The following PDGFC variants were observed in gnomAD, a reference collection of about 807,000 sequenced individuals.
PDGFC encodes the protein platelet derived growth factor C.
PDGFC carries 12 observed loss-of-function variants against 35.5 expected under a neutral mutation model. The observed-to-expected ratio is 0.34, with a 90% CI of 0.22 to 0.55. The LOEUF (loss-of-function observed/expected upper bound fraction) is 0.55. Ranked by LOEUF, PDGFC falls within the 20% of genes least tolerant of loss-of-function variation. The pLI is 0.91. For synonymous variants in PDGFC, 159 were observed against 148.8 expected (o/e 1.07, Z -0.50); for missense variants, 322 against 412.4 (o/e 0.78, Z 1.90).
intron 3 of PDGFC, among the ~76,000 whole-genome samples, chr4:156,794,582 G>A (rs1228908262): frequency 5.9e-5 from 9 of 151,828 alleles, no homozygotes. Flanking sequence ...TTACTTTGGT[G>A]AGTAATATTT....
intron 1 of PDGFC, among the ~76,000 whole-genome samples, chr4:156,920,169 G>A (rs1731239805): frequency 2.6e-5 from 4 of 152,258 alleles, no homozygotes; most frequent in Middle Eastern, 3.4e-3. Context: ...GTACAACTGT[G>A]AGCCAAATAA....
At chr4:156,859,811 A>C (rs1189413908) in intron 1 of PDGFC, among the ~76,000 whole-genome samples, 2 of 152,176 alleles carry the variant, frequency 1.3e-5, no homozygotes, top group African/African-American at 2.4e-5. Context: ...AAGCAAAGAC[A>C]TTTTTAATAC....
intron 2 of PDGFC, among the ~76,000 whole-genome samples, chr4:156,823,420 T>G (rs142523722): frequency 6.6e-6 from 1 of 152,302 alleles, no homozygotes; most frequent in Non-Finnish European, 1.5e-5. Context: ...TGCCTAGCAA[T>G]AAGTTACTCA....
intron 1 of PDGFC, among the ~76,000 whole-genome samples, chr4:156,953,005 A>T (rs1732119117): frequency 6.6e-6 from 1 of 151,946 alleles, no homozygotes; most frequent in Non-Finnish European, 1.5e-5. Context: ...ACCAAGGGAA[A>T]TCTTAATAAA....
chr4:156,869,810 G>C (rs1466215270), intron 1 of PDGFC, among the ~76,000 whole-genome samples: 1 of 151,906 alleles, frequency 6.6e-6, no homozygotes, highest in African/African-American at 2.4e-5. Flanking sequence ...GAATAATACT[G>C]GTTCTGATTT....
At chr4:156,866,308 A>T (rs1368232313) in intron 1 of PDGFC, among the ~76,000 whole-genome samples, 1 of 152,176 alleles carries the variant, frequency 6.6e-6, no homozygotes, top group East Asian at 1.9e-4. Context: ...ATGGCTGCAT[A>T]GTATTCCATT....
At position 156,971,704 on chromosome 4, in the gene PDGFC, G is replaced by A. The variant is rs1732599739; in HGVS notation, c.-801C>T. On this transcript the variant is annotated 5_prime_UTR_variant, in exon 1 of 6. Coordinates refer to ENST00000502773, the MANE Select transcript of PDGFC (RefSeq NM_016205.3). ...AGCCTGGGGCAATTCGGCCGCTCGGGGTCACCGCGGGGCTCCGGTTGTTCC... is the reference window on the plus strand; with the variant it reads ...AGCCTGGGGCAATTCGGCCGCTCGGAGTCACCGCGGGGCTCCGGTTGTTCC... Among the ~76,000 whole-genome samples, 1 of 151,780 alleles carries A rather than the reference G, an allele frequency of 6.6e-6. No homozygotes were observed. Among genetic ancestry groups the A allele is most frequent in the Non-Finnish European group, 1.5e-5 (1 of 67,944 alleles).
chr4:156,829,205 T>C (rs1728866353), intron 2 of PDGFC, among the ~76,000 whole-genome samples: 1 of 152,202 alleles, frequency 6.6e-6, no homozygotes, highest in Non-Finnish European at 1.5e-5. Flanking sequence ...AAGGGGTTTA[T>C]GGAATATACA....
chr4:156,854,728 T>A (rs1729533973), intron 1 of PDGFC, among the ~76,000 whole-genome samples: 1 of 152,152 alleles, frequency 6.6e-6, no homozygotes, highest in Admixed American at 6.5e-5. Context: ...TACTAGTATT[T>A]TAGGGATGAG....
At chr4:156,877,245 T>G (rs1222924641) in intron 1 of PDGFC, among the ~76,000 whole-genome samples, 3 of 151,784 alleles carry the variant, frequency 2.0e-5, no homozygotes, top group African/African-American at 7.3e-5. Flanking sequence ...CATTTATCCT[T>G]TCTCAGTGTT....
At chr4:156,938,351 G>A (rs1380506681) in intron 1 of PDGFC, among the ~76,000 whole-genome samples, 1 of 152,146 alleles carries the variant, frequency 6.6e-6, no homozygotes, top group Admixed American at 6.5e-5. Context: ...AACTTAAGCT[G>A]TGTAAACTTA....
intron 4 of PDGFC, chr4:156,770,743 A>C (rs975488021): frequency 6.6e-6 from 1 of 152,132 alleles, no homozygotes; most frequent in Non-Finnish European, 1.5e-5. Context: ...AAATGTCATT[A>C]ATATTATACG....
At chr4:156,786,254 T>C (rs1731123466) in intron 3 of PDGFC, among the ~76,000 whole-genome samples, 1 of 152,200 alleles carries the variant, frequency 6.6e-6, no homozygotes, top group African/African-American at 2.4e-5. Context: ...TAATACATAT[T>C]CTATTGGAGA....
intron 3 of PDGFC, among the ~76,000 whole-genome samples, chr4:156,786,866 T>C (rs1731142626): frequency 6.6e-6 from 1 of 152,184 alleles, no homozygotes; most frequent in Non-Finnish European, 1.5e-5. Context: ...ATGAGTTATA[T>C]CATCTGCCTT....
At chr4:156,848,522 C>G (rs548119207) in intron 2 of PDGFC, among the ~76,000 whole-genome samples, 1 of 151,898 alleles carries the variant, frequency 6.6e-6, no homozygotes, top group Non-Finnish European at 1.5e-5. Flanking sequence ...AAATATTATA[C>G]GTCAAAGACA....
chr4:156,832,916 A>T (rs527810856), intron 2 of PDGFC, among the ~76,000 whole-genome samples: 1 of 152,328 alleles, frequency 6.6e-6, no homozygotes, highest in South Asian at 2.1e-4. Context: ...TTTTCAGTTA[A>T]ATGTAATCCA....
chr4:156,789,933 T>C (rs1579009960), intron 3 of PDGFC, among the ~76,000 whole-genome samples: 2 of 131,630 alleles, frequency 1.5e-5, no homozygotes, highest in South Asian at 2.5e-4. Flanking sequence ...GCCGAGATCA[T>C]GCCACGGTAC....
intron 1 of PDGFC, among the ~76,000 whole-genome samples, chr4:156,918,165 T>C (rs1731193465): frequency 6.6e-6 from 1 of 152,228 alleles, no homozygotes; most frequent in African/African-American, 2.4e-5. Flanking sequence ...AGGAACACTC[T>C]TTAAATTTGG....
At chr4:156,786,933 G>GGTA in intron 3 of PDGFC, among the ~76,000 whole-genome samples, 1 of 152,266 alleles carries the variant, frequency 6.6e-6, no homozygotes, top group Non-Finnish European at 1.5e-5. Flanking sequence ...GGAAGGCAAT[G>GGTA]GTAGCAACAG....
Sources: gnomAD v4.1 joint callset for allele counts (sites outside exome capture counted in the v4.1 genomes callset) on GRCh38, gnomAD v4.1.1 for gene constraint, MANE v1.5 for transcripts, NCBI Gene and HGNC (gene_info 2026-07-23, HGNC 2026-07-21) for gene names.